NEK9: variants seen among roughly 807,000 people sequenced by gnomAD.
NEK9 encodes serine/threonine-protein kinase Nek9.
Under a neutral mutation model 123.4 loss-of-function variants are expected in NEK9, and 75 were observed. The observed-to-expected ratio is 0.61, with a 90% CI of 0.50 to 0.74. The LOEUF (loss-of-function observed/expected upper bound fraction) is 0.74. NEK9 is among the 30% of genes least tolerant of loss of function. The pLI, the probability that NEK9 is intolerant of heterozygous loss-of-function variation, is 0.00. For synonymous variants in NEK9, 438 were observed against 458.7 expected, an observed-to-expected ratio of 0.95 and a Z score of 0.58; for missense variants, 952 against 1,214.4, an observed-to-expected ratio of 0.78 and a Z score of 3.21.
intron 21 of NEK9, 58 bp downstream of exon 21, chr14:75,086,960 G>A: frequency 6.5e-7 from 1 of 1,530,656 alleles, no homozygotes; most frequent in Non-Finnish European, 9.0e-7. Flanking sequence ...TTTGTGTTTT[G>A]TTTCTGTGAT....
chr14:75,125,992 G>A (rs1384216740), intron 1 of NEK9, among the ~76,000 whole-genome samples: 1 of 152,226 alleles, frequency 6.6e-6, no homozygotes, highest in African/African-American at 2.4e-5. Flanking sequence ...CAAAGGATGT[G>A]CATATGTGCA....
At position 75,082,002 on chromosome 14, in the gene NEK9, C is replaced by T. The variant is rs1893879478; in HGVS notation, c.*2562G>A. On this transcript the variant is annotated 3_prime_UTR_variant, in exon 22 of 22. Transcript: ENST00000238616. ...AGATGTCCCTTGCATTGTTTCTGTTCCAAGAACATTATTTATATAAAGACT... is the reference window on the plus strand; with the variant it reads ...AGATGTCCCTTGCATTGTTTCTGTTTCAAGAACATTATTTATATAAAGACT... The T allele has an allele frequency of 1.3e-5, 2 of 152,132 alleles. No individual in the cohort carries two copies. Among genetic ancestry groups the T allele is most frequent in the Admixed American group, 6.5e-5 (1 of 15,280 alleles). 9.4% of individuals were successfully genotyped at this position (152,132 alleles called of 1,614,324 possible). A position where few individuals can be genotyped will look rare whatever the true frequency, so the allele number is the denominator to read the frequency against.
chr14:75,111,477 T>C (rs1182918116), intron 8 of NEK9, among the ~76,000 whole-genome samples: 2 of 152,252 alleles, frequency 1.3e-5, no homozygotes, highest in African/African-American at 4.8e-5. Flanking sequence ...TGGAAAACTC[T>C]GTCTTATGTT....
intron 9 of NEK9, 111 bp from the exon 10 acceptor site, chr14:75,109,988 A>G (rs1006139614): frequency 3.6e-6 from 4 of 1,104,022 alleles, no homozygotes; most frequent in Non-Finnish European, 5.2e-6. Context: ...ATGAGAAAGT[A>G]TGTTCTTTCT....
At chr14:75,094,528 G>A (rs1477487788) in intron 18 of NEK9, among the ~76,000 whole-genome samples, 3 of 152,190 alleles carry the variant, frequency 2.0e-5, no homozygotes, top group Non-Finnish European at 2.9e-5. Context: ...GGGCATGGTG[G>A]CTCATGCCTG....
chr14:75,096,823 A>G, intron 17 of NEK9: 1 of 247,774 alleles, frequency 4.0e-6, no homozygotes, highest in Admixed American at 7.2e-5. Flanking sequence ...CAACTCAAAA[A>G]AAAGACAAAA....
intron 6 of NEK9, chr14:75,116,567 G>T: frequency 3.6e-6 from 1 of 281,336 alleles, no homozygotes; most frequent in South Asian, 4.3e-5. Flanking sequence ...CCTACTGCTT[G>T]AAAAAGTGAA....
intron 14 of NEK9, 70 bp from the exon 15 acceptor site, chr14:75,101,835 G>GA: frequency 1.7e-6 from 2 of 1,166,722 alleles, no homozygotes; most frequent in Non-Finnish European, 2.6e-6. Context: ...GCTGAGAATG[G>GA]AAAAAAGTCC....
intron 8 of NEK9, among the ~76,000 whole-genome samples, chr14:75,111,274 T>C (rs1894950481): frequency 6.6e-6 from 1 of 152,188 alleles, no homozygotes; most frequent in African/African-American, 2.4e-5. Context: ...AGGGCTGTCA[T>C]CCTACCTAAA....
intron 2 of NEK9, among the ~76,000 whole-genome samples, chr14:75,123,078 C>T (rs930823653): frequency 1.3e-5 from 2 of 151,926 alleles, no homozygotes; most frequent in Non-Finnish European, 2.9e-5. Flanking sequence ...TACAGGTGTG[C>T]ACTGTCCCTG....
Position 75,126,983 on chromosome 14 carries a change from G to T in NEK9, c.-62C>A. 7.5e-7 allele frequency: 1 copy of T among 1,332,660 alleles called. No homozygotes were observed. The highest frequency in any genetic ancestry group is 9.8e-7 in the Non-Finnish European group (1 of 1,016,600). The allele number at this position is 1,332,660 out of a possible 1,614,324, so 82.6% of individuals were successfully genotyped here. The stretch of plus-strand genomic sequence containing the variant: ...TGCCCGGAGGCCCTGGCCGCGCTGC[G>T]TCCCGCTCGCTTCAGATGCCGGCCC... On this transcript the variant is annotated 5_prime_UTR_variant, in exon 1 of 22. Coordinates refer to ENST00000238616, the MANE Select transcript of NEK9 (RefSeq NM_033116.6).
chr14:75,126,744 G>A lies in NEK9; in HGVS notation c.178C>T (p.Arg60Cys). The A allele has an allele frequency of 1.3e-6, 2 of 1,494,546 alleles. No individual in the cohort carries two copies. The highest frequency in any genetic ancestry group is 1.3e-5 in the South Asian group (1 of 78,680). 92.6% of individuals were successfully genotyped at this position (1,494,546 alleles called of 1,614,324 possible). ...LHYIPIRVLG[R>C]GAFGEATLYR... Reference sequence around the variant, plus strand: ...AGCGTGGCTTCCCCGAAGGCGCCGCGGCCCAGGACGCGGATGGGGATGTAG... The same window carrying A: ...AGCGTGGCTTCCCCGAAGGCGCCGCAGCCCAGGACGCGGATGGGGATGTAG... Residue 60 changes from arginine to cysteine, a missense_variant, in exon 1 of 22, where the codon CGC becomes TGC. Arg to Cys is a radical substitution (Grantham distance 180). Coordinates refer to ENST00000238616, the MANE Select transcript of NEK9 (RefSeq NM_033116.6).
chr14:75,110,438 T>C (rs553750848), intron 8 of NEK9, 67 bp from the exon 9 acceptor site: 4 of 1,227,082 alleles, frequency 3.3e-6, no homozygotes, highest in Non-Finnish European at 4.8e-6. Context: ...GGTGTCTGTT[T>C]AATACATTTC....
intron 21 of NEK9, among the ~76,000 whole-genome samples, chr14:75,085,661 T>C (rs1375637553): frequency 1.3e-5 from 2 of 152,224 alleles, no homozygotes; most frequent in Non-Finnish European, 1.5e-5. Context: ...AAGACAAATC[T>C]AGAATGTGGG....
intron 18 of NEK9, among the ~76,000 whole-genome samples, chr14:75,092,772 A>T (rs1894262124): frequency 6.6e-6 from 1 of 152,196 alleles, no homozygotes. Flanking sequence ...TGTCAAAGTT[A>T]AAGAAAAATT....
At chr14:75,097,548 G>A (rs1293052471) in intron 16 of NEK9, among the ~76,000 whole-genome samples, 1 of 152,190 alleles carries the variant, frequency 6.6e-6, no homozygotes, top group Non-Finnish European at 1.5e-5. Context: ...AACAGTGACT[G>A]AACATCTATT....
chr14:75,095,159 G>A (rs1232273654), intron 18 of NEK9, among the ~76,000 whole-genome samples: 1 of 152,204 alleles, frequency 6.6e-6, no homozygotes, highest in Admixed American at 6.5e-5. Flanking sequence ...ATATGCGTTG[G>A]AGGCAAAGAT....
At chr14:75,122,508 A>G (rs928843229) in intron 2 of NEK9, among the ~76,000 whole-genome samples, 12 of 152,196 alleles carry the variant, frequency 7.9e-5, no homozygotes, top group African/African-American at 2.9e-4. Flanking sequence ...AGGTACTGTT[A>G]TCAACAAACT....
At chr14:75,088,126 G>A (rs1894085330) in intron 20 of NEK9, among the ~76,000 whole-genome samples, 1 of 152,196 alleles carries the variant, frequency 6.6e-6, no homozygotes, top group South Asian at 2.1e-4. Flanking sequence ...AGGTGTACAT[G>A]TGTTGCTTCC....
Sources: allele counts gnomAD v4.1 joint callset (sites outside exome capture counted in the v4.1 genomes callset), GRCh38; gene constraint gnomAD v4.1.1; transcripts MANE v1.5; gene names NCBI Gene and HGNC (gene_info 2026-07-23, HGNC 2026-07-21).